RRAS2: variants seen among roughly 807,000 people sequenced by gnomAD.
RRAS2 encodes RAS related 2, also known as ras-related protein R-Ras2.
Under a neutral mutation model 27.6 loss-of-function variants are expected in RRAS2, and 7 were observed. That is an observed-to-expected ratio of 0.25 (90% CI 0.14 to 0.48). The LOEUF is 0.48. RRAS2 is among the 20% of genes least tolerant of loss of function. The probability of loss-of-function intolerance (pLI) is 0.99; values close to 1 mark genes in which losing one functional copy is unlikely to be tolerated. For synonymous variants in RRAS2, 86 were observed against 90.9 expected, an observed-to-expected ratio of 0.95 and a Z score of 0.31; for missense variants, 178 against 256.2, an observed-to-expected ratio of 0.69 and a Z score of 2.08.
intron 4 of RRAS2, among the ~76,000 whole-genome samples, chr11:14,290,251 C>G (rs189199419): frequency 6.6e-6 from 1 of 152,150 alleles, no homozygotes; most frequent in Non-Finnish European, 1.5e-5. Flanking sequence ...AGTTTGAGAC[C>G]AGCCTGGCCA....
chr11:14,301,815 C>A (rs1273991441), intron 1 of RRAS2, among the ~76,000 whole-genome samples: 1 of 151,946 alleles, frequency 6.6e-6, no homozygotes, highest in Non-Finnish European at 1.5e-5. Flanking sequence ...CCCGTGTCTA[C>A]TAAAAATATA....
intron 1 of RRAS2, among the ~76,000 whole-genome samples, chr11:14,349,929 T>C (rs543913381): frequency 7.2e-5 from 11 of 152,338 alleles, no homozygotes; most frequent in African/African-American, 1.9e-4. Context: ...TTGCTGCTTA[T>C]ATACTCAGTA....
At chr11:14,352,927 T>C (rs577637502) in intron 1 of RRAS2, among the ~76,000 whole-genome samples, 3 of 151,990 alleles carry the variant, frequency 2.0e-5, no homozygotes, top group Admixed American at 6.5e-5. Context: ...TCCTGAGTAG[T>C]AGCTGGGATT....
intron 2 of RRAS2, 116 bp downstream of exon 2, chr11:14,295,652 C>T: frequency 2.7e-6 from 2 of 737,428 alleles, no homozygotes; most frequent in Non-Finnish European, 4.2e-6. Context: ...ATGACATGGG[C>T]TAATATTCCA....
intron 1 of RRAS2, among the ~76,000 whole-genome samples, chr11:14,340,936 C>G (rs1848692317): frequency 6.6e-6 from 1 of 152,176 alleles, no homozygotes; most frequent in Non-Finnish European, 1.5e-5. Flanking sequence ...GTTCCAAGAA[C>G]ACAGAATTCC....
chr11:14,291,569 A>T (rs1161894962), intron 4 of RRAS2, among the ~76,000 whole-genome samples: 1 of 152,202 alleles, frequency 6.6e-6, no homozygotes, highest in Non-Finnish European at 1.5e-5. Context: ...AAAAATAAAT[A>T]AAAATAACTT....
chr11:14,350,283 T>C (rs1335358958), intron 1 of RRAS2, among the ~76,000 whole-genome samples: 5 of 152,106 alleles, frequency 3.3e-5, no homozygotes, highest in East Asian at 3.8e-4. Context: ...TGGGAGGTGT[T>C]TGGGTCATGG....
In RRAS2 at chr11:14,358,585, C is replaced by T; in HGVS notation, c.108+178G>A. ...CGCCGCGCCCGGGAGGAGGCAGGAG[C>T]GCGACGCTGCGGCCGCAGGGCAGGA... On this transcript the variant is annotated intron_variant, in intron 1 of 5. Coordinates refer to ENST00000256196, the MANE Select transcript of RRAS2 (RefSeq NM_012250.6). The surrounding 1 kb of genome is among the most constrained non-coding windows in gnomAD (Gnocchi z 5.1). The T allele has an allele frequency of 1.0e-6, 1 of 985,418 alleles. No homozygotes were observed. The highest frequency in any genetic ancestry group is 1.2e-6 in the Non-Finnish European group (1 of 829,886). 61.0% of individuals were successfully genotyped at this position (985,418 alleles called of 1,614,324 possible). A position where few individuals can be genotyped will look rare whatever the true frequency, so the allele number is the denominator to read the frequency against.
intron 1 of RRAS2, among the ~76,000 whole-genome samples, chr11:14,343,550 G>A (rs782415524): frequency 6.6e-6 from 1 of 152,192 alleles, no homozygotes; most frequent in Non-Finnish European, 1.5e-5. Flanking sequence ...TAGGCCAGGC[G>A]TGGTGGCTCA....
chr11:14,336,301 TAC>T (rs751299710), intron 1 of RRAS2, among the ~76,000 whole-genome samples: 30 of 151,922 alleles, frequency 2.0e-4, no homozygotes, highest in Non-Finnish European at 4.0e-4. Context: ...TCTAAAAAAA[TAC>T]AGAGCCACAC....
At chr11:14,295,931 G>C in intron 1 of RRAS2, 76 bp from the exon 2 acceptor site, 1 of 1,316,846 alleles carries the variant, frequency 7.6e-7, no homozygotes. Flanking sequence ...CCTATGCTCT[G>C]GGAGGCCGAG....
chr11:14,339,329 AT>A (rs1848652855), intron 1 of RRAS2, among the ~76,000 whole-genome samples: 1 of 151,092 alleles, frequency 6.6e-6, no homozygotes, highest in Non-Finnish European at 1.5e-5. Flanking sequence ...TAATAAAAAA[AT>A]AAAAAGACCG....
chr11:14,290,238 A>G (rs1196814036), intron 4 of RRAS2, among the ~76,000 whole-genome samples: 2 of 152,208 alleles, frequency 1.3e-5, no homozygotes, highest in Non-Finnish European at 2.9e-5. Context: ...TCACAAGATC[A>G]GGAGTTTGAG....
intron 1 of RRAS2, among the ~76,000 whole-genome samples, chr11:14,311,846 T>C (rs1446103115): frequency 2.0e-5 from 3 of 152,164 alleles, no homozygotes; most frequent in African/African-American, 7.2e-5. Flanking sequence ...TATGTCATGG[T>C]AGCTTTGTTA....
intron 1 of RRAS2, among the ~76,000 whole-genome samples, chr11:14,322,637 C>T (rs1354153499): frequency 2.0e-5 from 3 of 152,134 alleles, no homozygotes; most frequent in East Asian, 1.9e-4. Context: ...CTCTGTAATA[C>T]GTATGTTATT....
intron 1 of RRAS2, among the ~76,000 whole-genome samples, chr11:14,332,577 T>C (rs902792980): frequency 6.6e-5 from 10 of 152,204 alleles, no homozygotes; most frequent in Non-Finnish European, 5.9e-5. Context: ...AAAATCATCA[T>C]GCCAAGCAAA....
intron 1 of RRAS2, among the ~76,000 whole-genome samples, chr11:14,332,684 G>A (rs1387060620): frequency 1.3e-5 from 2 of 152,236 alleles, no homozygotes; most frequent in African/African-American, 4.8e-5. Flanking sequence ...AAGTCAGAAG[G>A]GAGACAAGGG....
chr11:14,329,027 A>G (rs113674047), intron 1 of RRAS2, among the ~76,000 whole-genome samples: 58,297 of 146,772 alleles, frequency 0.4, 11,888 homozygotes, highest in Admixed American at 0.49. Context: ...ATATATATAT[A>G]TACACACACA....
chr11:14,329,275 C>T (rs1848437689), intron 1 of RRAS2, among the ~76,000 whole-genome samples: 1 of 151,762 alleles, frequency 6.6e-6, no homozygotes, highest in Admixed American at 6.6e-5. Flanking sequence ...CCCCCACACC[C>T]AGCTAATTTT....
Sources: gnomAD v4.1 joint callset for allele counts (sites outside exome capture counted in the v4.1 genomes callset) on GRCh38, gnomAD v4.1.1 for gene constraint, Gnocchi (gnomAD v3.1) non-coding constraint, MANE v1.5 for transcripts, NCBI Gene and HGNC (gene_info 2026-07-23, HGNC 2026-07-21) for gene names.